PCDHGB7: variants seen among roughly 807,000 people sequenced by gnomAD.
PCDHGB7 encodes protocadherin gamma-B7.
A neutral mutation model predicts 61.4 loss-of-function variants in PCDHGB7; 37 were observed. That is an observed-to-expected ratio of 0.60 (90% CI 0.46 to 0.79). The LOEUF (loss-of-function observed/expected upper bound fraction) is 0.79. Among genes scored for constraint, PCDHGB7 ranks in the 30% least tolerant of loss-of-function variants. The probability of loss-of-function intolerance (pLI) is 0.00; values close to 1 mark genes in which losing one functional copy is unlikely to be tolerated. For synonymous variants in PCDHGB7, 464 were observed against 503.5 expected, an observed-to-expected ratio of 0.92 and a Z score of 1.05; for missense variants, 1,166 against 1,202.5, an observed-to-expected ratio of 0.97 and a Z score of 0.45.
chr5:141,457,959 T>C (rs1426112930), intron 1 of PCDHGB7, among the ~76,000 whole-genome samples: 3 of 152,208 alleles, frequency 2.0e-5, no homozygotes, highest in Admixed American at 2.0e-4. Flanking sequence ...CAAGCTTGAT[T>C]CCTTAAAGGG....
At chr5:141,427,584 A>G in intron 1 of PCDHGB7, 1 of 674,672 alleles carries the variant, frequency 1.5e-6, no homozygotes, top group Non-Finnish European at 2.7e-6. Context: ...CTCATCCAGC[A>G]CAAGCCTCAC....
intron 3 of PCDHGB7, among the ~76,000 whole-genome samples, chr5:141,510,415 C>G (rs2099881071): frequency 6.6e-6 from 1 of 152,082 alleles, no homozygotes; most frequent in Admixed American, 6.5e-5. Flanking sequence ...GCATGTAAAG[C>G]CATGGTTTCA....
chr5:141,418,363 C>G lies in PCDHGB7; in HGVS notation c.504C>G (p.Ser168Arg), dbSNP rs147423305. ...CTGATATTAGTATGAATTCGCTGAG[C>G]AAATACCAACTAAGTCCTAACGAGT... ...EDPDISMNSL[S>R]KYQLSPNEYF... is the part of the protein sequence containing the mutation. Residue 168 changes from serine (S) to arginine (R), a missense_variant, in exon 1 of 4, where the codon AGC (serine) becomes AGG (arginine). By Grantham distance (110) the Ser-to-Arg change is moderately radical (BLOSUM62 -1). Coordinates refer to ENST00000398594, the MANE Select transcript of PCDHGB7 (RefSeq NM_018927.4). The G allele has an allele frequency of 6.2e-7, 1 of 1,613,866 alleles. No homozygotes were observed. Among genetic ancestry groups the G allele is most frequent in the Non-Finnish European group, 8.5e-7 (1 of 1,179,908 alleles).
At chr5:141,500,822 T>A (rs1377955680) in intron 2 of PCDHGB7, among the ~76,000 whole-genome samples, 1 of 152,240 alleles carries the variant, frequency 6.6e-6, no homozygotes, top group African/African-American at 2.4e-5. Context: ...TACATATTAT[T>A]TTTCTAATGC....
chr5:141,422,263 C>T lies in PCDHGB7; in HGVS notation c.2415+1989C>T, dbSNP rs755271863. On this transcript the variant is annotated intron_variant, in intron 1 of 3. Transcript: ENST00000398594. ...TGTTGTGGATGTGAATGATAACGCT[C>T]CAGAAATAACTATCACCTCTTCTAT... is the stretch of plus-strand genomic sequence containing the variant. 1.0e-5 allele frequency: 16 copies of T among 1,563,686 alleles called. No individual in the cohort carries two copies. The South Asian group carries it at 1.7e-4, about 17-fold the overall frequency.
intron 1 of PCDHGB7, among the ~76,000 whole-genome samples, chr5:141,453,490 G>A (rs921556476): frequency 6.6e-6 from 1 of 151,922 alleles, no homozygotes; most frequent in Admixed American, 6.6e-5. Flanking sequence ...TTAAAAAAAG[G>A]TGTACTCAGA....
At chr5:141,423,318 G>T (rs1165459779) in intron 1 of PCDHGB7, 17 of 1,614,006 alleles carry the variant, frequency 1.1e-5, no homozygotes, top group South Asian at 8.8e-5. Context: ...TGGTGGTGGC[G>T]GTGGCCGCAG....
At position 141,487,425 on chromosome 5, in the gene PCDHGB7, G is replaced by A. The variant is rs116499036; in HGVS notation, c.2416-7382G>A. ...CTTCCCCCTTCCAATGGGATCCTCCGAATCCAGCTAGGGTCAGATGACCCT... is the reference window on the plus strand; with the variant it reads ...CTTCCCCCTTCCAATGGGATCCTCCAAATCCAGCTAGGGTCAGATGACCCT... On this transcript the variant is annotated intron_variant, in intron 1 of 3. Coordinates refer to ENST00000398594, the MANE Select transcript of PCDHGB7 (RefSeq NM_018927.4). This position sits in a 1 kb window ranked among gnomAD's most constrained non-coding sequence, Gnocchi z 5.0. The A allele has an allele frequency of 1.1e-5, 17 of 1,613,988 alleles. No individual in the cohort carries two copies. The highest frequency in any genetic ancestry group is 1.6e-4 in the Middle Eastern group (1 of 6,084).
In PCDHGB7 at chr5:141,455,253, C is replaced by A. The variant is rs187877877; in HGVS notation, c.2415+34979C>A. 2.8e-3 allele frequency among the ~76,000 whole-genome samples: 433 copies of A among 151,986 alleles called. 1 individual carries two copies. Among genetic ancestry groups the A allele is most frequent in the Admixed American group, 0.021 (319 of 15,266 alleles). ...AAAATGTTAAAGGTCATAGTACAAT[C>A]GCATTTCTTCCCATTGATTATTAAC... is the stretch of plus-strand genomic sequence containing the variant. On this transcript the variant is annotated intron_variant, in intron 1 of 3. Coordinates refer to ENST00000398594, the MANE Select transcript of PCDHGB7 (RefSeq NM_018927.4).
intron 1 of PCDHGB7, among the ~76,000 whole-genome samples, chr5:141,474,227 G>A (rs1394834744): frequency 6.6e-6 from 1 of 152,190 alleles, no homozygotes; most frequent in Non-Finnish European, 1.5e-5. Flanking sequence ...TGTGAATTAA[G>A]TGATGCTGAA....
intron 1 of PCDHGB7, among the ~76,000 whole-genome samples, chr5:141,448,086 T>TA (rs558292628): frequency 0.011 from 1,579 of 146,268 alleles, 11 homozygotes; most frequent in Non-Finnish European, 0.016. Context: ...AATGCCATCT[T>TA]AAAAAAAAAA....
chr5:141,423,753 G>A (rs758300730), intron 1 of PCDHGB7: 1 of 626,096 alleles, frequency 1.6e-6, no homozygotes, highest in Non-Finnish European at 2.0e-6. Context: ...AACTGTTTGG[G>A]GGGGGGGTGG....
intron 1 of PCDHGB7, among the ~76,000 whole-genome samples, chr5:141,439,076 C>G (rs1358035789): frequency 6.6e-6 from 1 of 151,590 alleles, no homozygotes; most frequent in East Asian, 2.0e-4. Context: ...GCCTGTAATC[C>G]CAGCTACTCA....
intron 3 of PCDHGB7, among the ~76,000 whole-genome samples, chr5:141,508,658 A>G (rs1420910010): frequency 2.0e-5 from 3 of 152,086 alleles, no homozygotes; most frequent in African/African-American, 4.8e-5. Flanking sequence ...CCTTCCTGTC[A>G]TTCTGTCTCT....
At chr5:141,494,365 C>A (rs193174055) in intron 1 of PCDHGB7, among the ~76,000 whole-genome samples, 20 of 152,290 alleles carry the variant, frequency 1.3e-4, no homozygotes, top group Non-Finnish European at 2.2e-4. Context: ...GCAGAGGATG[C>A]TTTGTTCCCA....
At position 141,477,100 on chromosome 5, in the gene PCDHGB7, C is replaced by A. The variant is rs970613825; in HGVS notation, c.2416-17707C>A. On this transcript the variant is annotated intron_variant, in intron 1 of 3. Transcript: ENST00000398594. This position sits in a 1 kb window ranked among gnomAD's most constrained non-coding sequence, Gnocchi z 4.9. ...TTTACATCCAGGCCAAAGACAAGGGCGCCAATCCCGAAGGAGCACATTGCA... is the reference window on the plus strand; with the variant it reads ...TTTACATCCAGGCCAAAGACAAGGGAGCCAATCCCGAAGGAGCACATTGCA... 1 of 1,614,216 alleles carries A rather than the reference C, an allele frequency of 6.2e-7. No homozygotes were observed. Among genetic ancestry groups the A allele is most frequent in the Non-Finnish European group, 8.5e-7 (1 of 1,180,040 alleles).
chr5:141,448,818 G>A (rs2098609016), intron 1 of PCDHGB7, among the ~76,000 whole-genome samples: 1 of 151,984 alleles, frequency 6.6e-6, no homozygotes, highest in Admixed American at 6.6e-5. Context: ...GATGGCGGGC[G>A]CCTGTAGTCC....
At chr5:141,471,495 T>A (rs539663010) in intron 1 of PCDHGB7, 1 of 152,318 alleles carries the variant, frequency 6.6e-6, no homozygotes, top group East Asian at 1.9e-4. Flanking sequence ...ATTTAGGGAA[T>A]GCAAGAGAGG....
At position 141,487,179 on chromosome 5, in the gene PCDHGB7, C is replaced by T. The variant is rs768886732; in HGVS notation, c.2416-7628C>T. Reference sequence around the variant, plus strand: ...CTCTTAGTGTCCTTAGAGGAAGACACTCATCCAGTTGTCCCAGATCTTCGA... The same window carrying T: ...CTCTTAGTGTCCTTAGAGGAAGACATTCATCCAGTTGTCCCAGATCTTCGA... On this transcript the variant is annotated intron_variant, in intron 1 of 3. Transcript: ENST00000398594. This position sits in a 1 kb window ranked among gnomAD's most constrained non-coding sequence, Gnocchi z 5.0. 6.2e-6 allele frequency: 10 copies of T among 1,613,474 alleles called. No individual in the cohort carries two copies. Among genetic ancestry groups the T allele is most frequent in the Non-Finnish European group, 6.8e-6 (8 of 1,179,370 alleles).
Sources: gnomAD v4.1 joint callset for allele counts (sites outside exome capture counted in the v4.1 genomes callset) on GRCh38, gnomAD v4.1.1 for gene constraint, Gnocchi (gnomAD v3.1) non-coding constraint, MANE v1.5 for transcripts, NCBI Gene and HGNC (gene_info 2026-07-23, HGNC 2026-07-21) for gene names.